SLC41A2: variants seen among roughly 807,000 people sequenced by gnomAD.
SLC41A2 encodes solute carrier family 41 member 2.
Under a neutral mutation model 58.3 loss-of-function variants are expected in SLC41A2, and 32 were observed. That is an observed-to-expected ratio of 0.55 (90% CI 0.41 to 0.74). The LOEUF (loss-of-function observed/expected upper bound fraction) is 0.74. Ranked by LOEUF, SLC41A2 falls within the 30% of genes least tolerant of loss-of-function variation. The pLI is 0.00. For missense variants in SLC41A2, 514 were observed against 680.6 expected, an observed-to-expected ratio of 0.76 and a Z score of 2.72; for synonymous variants, 190 against 235.0, an observed-to-expected ratio of 0.81 and a Z score of 1.75.
chr12:104,885,507 A>C (rs753916244), intron 6 of SLC41A2, among the ~76,000 whole-genome samples: 99 of 152,336 alleles, frequency 6.5e-4, no homozygotes, highest in Non-Finnish European at 1.2e-3. Flanking sequence ...GGATTTGTGA[A>C]TAAATGTTTG....
intron 8 of SLC41A2, among the ~76,000 whole-genome samples, chr12:104,855,628 A>G (rs1385898895): frequency 2.0e-5 from 3 of 152,174 alleles, no homozygotes; most frequent in Admixed American, 2.0e-4. Flanking sequence ...GCTACTCAAC[A>G]AAACTGAACT....
At chr12:104,885,087 C>T (rs11112224) in intron 6 of SLC41A2, among the ~76,000 whole-genome samples, 28 of 151,908 alleles carry the variant, frequency 1.8e-4, no homozygotes, top group African/African-American at 6.8e-4. Flanking sequence ...CCTTAATATA[C>T]TTAAACATGT....
chr12:104,874,688 C>T (rs928250420), intron 6 of SLC41A2, among the ~76,000 whole-genome samples: 1 of 152,132 alleles, frequency 6.6e-6, no homozygotes, highest in Non-Finnish European at 1.5e-5. Flanking sequence ...TACTTCTGGG[C>T]TCTCTATCCT....
In SLC41A2 at chr12:104,853,911, A is replaced by ATTATTATTATTATTTTTTTTT; in HGVS notation, c.1255+7379_1255+7380insAAAAAAAAATAATAATAATAA. 6.9e-3 allele frequency among the ~76,000 whole-genome samples: 413 copies of ATTATTATTATTATTTTTTTTT among 59,452 alleles called. 18 individuals carry two copies. Among genetic ancestry groups the ATTATTATTATTATTTTTTTTT allele is most frequent in the Non-Finnish European group, 9.1e-3 (287 of 31,450 alleles). The allele number at this position is 59,452 out of a possible 152,430, so 39.0% of individuals were successfully genotyped here. The stretch of plus-strand genomic sequence containing the variant: ...GGGTGCATGTCACCATGCCTGGCTG[A>ATTATTATTATTATTTTTTTTT]TTTTTTTTTTTTTTTTTTTTTTTTT... On this transcript the variant is annotated intron_variant, in intron 8 of 10. Coordinates refer to ENST00000258538, the MANE Select transcript of SLC41A2 (RefSeq NM_001352171.3).
At position 104,867,548 on chromosome 12, in the gene SLC41A2, T is replaced by G. The variant is rs545448699; in HGVS notation, c.1028-969A>C. Among the ~76,000 whole-genome samples the G allele has an allele frequency of 6.7e-4, 102 of 151,466 alleles. No homozygotes were observed. The East Asian group carries it at 0.015, about 22-fold the overall frequency. ...CTTTGACTGAATTTTCTATTTTTTTTGCTTCTTAAGGTATTTAAAGATCTT... is the reference window on the plus strand; with the variant it reads ...CTTTGACTGAATTTTCTATTTTTTTGGCTTCTTAAGGTATTTAAAGATCTT... On this transcript the variant is annotated intron_variant, in intron 6 of 10. Coordinates refer to ENST00000258538, the MANE Select transcript of SLC41A2 (RefSeq NM_001352171.3).
intron 10 of SLC41A2, among the ~76,000 whole-genome samples, chr12:104,810,010 T>G (rs2041101372): frequency 6.6e-6 from 1 of 152,118 alleles, no homozygotes; most frequent in Non-Finnish European, 1.5e-5. Context: ...GGAATGCAAA[T>G]CAGCTTGAGA....
At position 104,824,994 on chromosome 12, in the gene SLC41A2, G is replaced by A. The variant is rs537018113; in HGVS notation, c.1536+19478C>T. On this transcript the variant is annotated intron_variant, in intron 10 of 10. Coordinates refer to ENST00000258538, the MANE Select transcript of SLC41A2 (RefSeq NM_001352171.3). ...GTTTCCCTTCACAGAGTTTTAAACC[G>A]CCCTAACTGGGCCAGTCAAAACCCC... 1.7e-4 allele frequency among the ~76,000 whole-genome samples: 25 copies of A among 151,302 alleles called. No homozygotes were observed. In the South Asian group the frequency reaches 2.7e-3, roughly 17 times the overall value.
At chr12:104,910,819 A>G (rs1161675977) in intron 2 of SLC41A2, among the ~76,000 whole-genome samples, 1 of 152,190 alleles carries the variant, frequency 6.6e-6, no homozygotes, top group Non-Finnish European at 1.5e-5. Flanking sequence ...TTTCTTTGAC[A>G]TATTTTTAAT....
chr12:104,895,415 C>T (rs2045230995), intron 3 of SLC41A2, 70 bp from the exon 4 acceptor site: 1 of 1,081,618 alleles, frequency 9.2e-7, no homozygotes, highest in Non-Finnish European at 1.4e-6. Context: ...TCAAACAGCA[C>T]ATGAAATCTT....
intron 2 of SLC41A2, among the ~76,000 whole-genome samples, chr12:104,918,344 C>T (rs1037872708): frequency 6.6e-6 from 1 of 152,034 alleles, no homozygotes; most frequent in African/African-American, 2.4e-5. Flanking sequence ...CATATAATGA[C>T]TCTTCTTCAT....
chr12:104,822,635 G>A (rs1438881383), intron 10 of SLC41A2, among the ~76,000 whole-genome samples: 1 of 152,066 alleles, frequency 6.6e-6, no homozygotes, highest in East Asian at 1.9e-4. Context: ...AGCCCCATGA[G>A]ACAATGACCT....
chr12:104,861,211 C>T, intron 8 of SLC41A2, 80 bp downstream of exon 8: 2 of 1,016,166 alleles, frequency 2.0e-6, no homozygotes, highest in Middle Eastern at 2.9e-4. Flanking sequence ...GAATCTGAGC[C>T]CTAAGACTTC....
chr12:104,819,615 A>G (rs553795251), intron 10 of SLC41A2, among the ~76,000 whole-genome samples: 2 of 152,364 alleles, frequency 1.3e-5, no homozygotes, highest in African/African-American at 2.4e-5. Context: ...CAAATAAACT[A>G]TGAAGAATGA....
intron 6 of SLC41A2, among the ~76,000 whole-genome samples, chr12:104,869,632 C>T: frequency 6.6e-6 from 1 of 152,126 alleles, no homozygotes; most frequent in Admixed American, 6.6e-5. Context: ...CAATTACCTG[C>T]CAAATCCAAC....
rs188599550 is a variant in SLC41A2 at position 104,814,834 on chromosome 12, G to T, written c.1537-9497C>A. On this transcript the variant is annotated intron_variant, in intron 10 of 10. Coordinates refer to ENST00000258538, the MANE Select transcript of SLC41A2 (RefSeq NM_001352171.3). ...TATTTAAAAGATTGTTGGAATAGAA[G>T]TCTGGTTTCTAACACTAACCAGTTA... Among the ~76,000 whole-genome samples the T allele has an allele frequency of 8.1e-4, 124 of 152,300 alleles. 1 individual carries two copies. The highest frequency in any genetic ancestry group is 2.9e-3 in the African/African-American group (120 of 41,568).
At chr12:104,817,294 G>A (rs1019572030) in intron 10 of SLC41A2, among the ~76,000 whole-genome samples, 7 of 152,104 alleles carry the variant, frequency 4.6e-5, no homozygotes, top group Non-Finnish European at 1.0e-4. Flanking sequence ...AGTTGCTTTG[G>A]GTGAGTCAGT....
chr12:104,841,321 G>A (rs115750695), intron 10 of SLC41A2, among the ~76,000 whole-genome samples: 2,826 of 107,328 alleles, frequency 0.026, 30 homozygotes, highest in African/African-American at 0.045. Flanking sequence ...AAAAAATCTA[G>A]GTTTTTTTTT....
intron 1 of SLC41A2, among the ~76,000 whole-genome samples, chr12:104,935,937 G>C (rs2047248080): frequency 6.6e-6 from 1 of 152,088 alleles, no homozygotes. Context: ...CAGCTACTCG[G>C]GAGGCTGAAC....
chr12:104,931,568 A>G (rs572565967), intron 1 of SLC41A2: 2 of 152,362 alleles, frequency 1.3e-5, no homozygotes, highest in South Asian at 4.1e-4. Flanking sequence ...CATAAATAAA[A>G]GAGATAATTT....
Sources: gnomAD v4.1 joint callset for allele counts (sites outside exome capture counted in the v4.1 genomes callset) on GRCh38, gnomAD v4.1.1 for gene constraint, MANE v1.5 for transcripts, NCBI Gene and HGNC (gene_info 2026-07-23, HGNC 2026-07-21) for gene names.